SEPTIN9: variants seen among roughly 807,000 people sequenced by gnomAD.
The protein encoded by SEPTIN9 is septin-9.
In SEPTIN9, 13 loss-of-function variants were observed where a neutral mutation model predicts 56.6. The ratio of observed to expected loss-of-function variants is 0.23; its 90% CI spans 0.15 to 0.37. The LOEUF (loss-of-function observed/expected upper bound fraction) is 0.37. SEPTIN9 is among the 10% of genes least tolerant of loss of function. The probability of loss-of-function intolerance (pLI) is 1.00; values close to 1 mark genes in which losing one functional copy is unlikely to be tolerated. For synonymous variants in SEPTIN9, 332 were observed against 334.1 expected (o/e 0.99, Z 0.07); for missense variants, 650 against 823.1 (o/e 0.79, Z 2.57).
intron 4 of SEPTIN9, 123 bp downstream of exon 4, chr17:77,482,458 A>G: frequency 1.0e-6 from 1 of 980,084 alleles, no homozygotes. Context: ...CCCTGACCTC[A>G]AGGACGGATT....
chr17:77,413,129 T>A (rs1382745316), intron 3 of SEPTIN9, among the ~76,000 whole-genome samples: 1 of 151,430 alleles, frequency 6.6e-6, no homozygotes, highest in East Asian at 2.0e-4. Context: ...TGTGCTATTT[T>A]TATCAGTTTT....
chr17:77,455,050 T>C (rs967842701), intron 3 of SEPTIN9, among the ~76,000 whole-genome samples: 2 of 145,882 alleles, frequency 1.4e-5, no homozygotes, highest in African/African-American at 5.2e-5. Flanking sequence ...CTCTCTTTCT[T>C]TTTTTTTTTT....
In SEPTIN9 at chr17:77,492,434, C is replaced by G. The variant is rs1037781597; in HGVS notation, c.1381-187C>G. Among the ~76,000 whole-genome samples the G allele has an allele frequency of 6.6e-6, 1 of 152,040 alleles. No homozygotes were observed. The highest frequency in any genetic ancestry group is 1.5e-5 in the Non-Finnish European group (1 of 68,012). ...AGCGTCGCTCAGGACAGCAGGTGCA[C>G]CTGCAGCTGCCCCTCTTCCCTCCAG... On this transcript the variant is annotated intron_variant, in intron 8 of 11. Transcript: ENST00000427177. This position sits in a 1 kb window ranked among gnomAD's most constrained non-coding sequence, Gnocchi z 5.4.
At chr17:77,283,379 G>A (rs2031125794) in intron 1 of SEPTIN9, among the ~76,000 whole-genome samples, 3 of 151,960 alleles carry the variant, frequency 2.0e-5, no homozygotes, top group Non-Finnish European at 4.4e-5. Flanking sequence ...CTGGGTCACT[G>A]TGTTGCAGTT....
intron 1 of SEPTIN9, among the ~76,000 whole-genome samples, chr17:77,286,746 A>G (rs774562482): frequency 6.6e-6 from 1 of 152,206 alleles, no homozygotes; most frequent in Non-Finnish European, 1.5e-5. Flanking sequence ...AGTTTGCCTA[A>G]GATGGACCTG....
intron 2 of SEPTIN9, among the ~76,000 whole-genome samples, chr17:77,355,548 G>A (rs2034201942): frequency 6.6e-6 from 1 of 152,114 alleles, no homozygotes; most frequent in Admixed American, 6.5e-5. Flanking sequence ...CAAGTGGATG[G>A]GGATCGTGGG....
At chr17:77,459,064 C>T (rs373818540) in intron 3 of SEPTIN9, among the ~76,000 whole-genome samples, 8 of 152,200 alleles carry the variant, frequency 5.3e-5, no homozygotes, top group East Asian at 1.9e-4. Context: ...GGGCCACGGT[C>T]GGCCCCACAC....
At chr17:77,291,804 G>C (rs2031569994) in intron 1 of SEPTIN9, among the ~76,000 whole-genome samples, 1 of 152,146 alleles carries the variant, frequency 6.6e-6, no homozygotes, top group South Asian at 2.1e-4. Flanking sequence ...GCCTTTCTCT[G>C]TCTTAGGTAA....
intron 2 of SEPTIN9, among the ~76,000 whole-genome samples, chr17:77,387,624 G>A (rs1190425281): frequency 6.6e-6 from 1 of 152,116 alleles, no homozygotes; most frequent in Admixed American, 6.5e-5. Context: ...TGATGAGGGC[G>A]TGATGAGGTT....
At chr17:77,401,956 C>T (rs879555106) in intron 2 of SEPTIN9, 103 bp from the exon 3 acceptor site, 7 of 1,228,980 alleles carry the variant, frequency 5.7e-6, no homozygotes, top group African/African-American at 1.5e-5. Flanking sequence ...CGGCCCTCAC[C>T]GCCGCATCGC....
chr17:77,449,596 G>A lies in SEPTIN9; in HGVS notation c.722-32548G>A, dbSNP rs893527183. Among the ~76,000 whole-genome samples the A allele has an allele frequency of 3.3e-5, 5 of 152,228 alleles. No individual in the cohort carries two copies. The highest frequency in any genetic ancestry group is 6.5e-5 in the Admixed American group (1 of 15,278). On this transcript the variant is annotated intron_variant, in intron 3 of 11. Coordinates refer to ENST00000427177, the MANE Select transcript of SEPTIN9 (RefSeq NM_001113491.2). This position sits in a 1 kb window ranked among gnomAD's most constrained non-coding sequence, Gnocchi z 4.6. The stretch of plus-strand genomic sequence containing the variant: ...AGGGAGAGGCCCACGGGGCAGGGGC[G>A]TGGTGGGAGCTGCATCCTCGAGGCT...
Position 77,405,429 on chromosome 17 carries a change from G to A in SEPTIN9, c.721+2726G>A, listed in dbSNP as rs561621022. Among the ~76,000 whole-genome samples the A allele has an allele frequency of 2.6e-5, 4 of 152,192 alleles. No homozygotes were observed. The highest frequency in any genetic ancestry group is 4.4e-5 in the Non-Finnish European group (3 of 68,030). The stretch of plus-strand genomic sequence containing the variant: ...AGAGCTGCCAGGAACCTGGCGCTCT[G>A]GGGGGACGGTGGCTTTCTCCATGGA... On this transcript the variant is annotated intron_variant, in intron 3 of 11. Transcript: ENST00000427177. This position sits in a 1 kb window ranked among gnomAD's most constrained non-coding sequence, Gnocchi z 5.8.
chr17:77,494,825 A>C (rs1308171222), intron 10 of SEPTIN9, among the ~76,000 whole-genome samples: 1 of 152,096 alleles, frequency 6.6e-6, no homozygotes, highest in Non-Finnish European at 1.5e-5. Context: ...GAGGGTGTGG[A>C]GAGGCACACG....
At chr17:77,430,188 T>C (rs1290747983) in intron 3 of SEPTIN9, among the ~76,000 whole-genome samples, 1 of 152,076 alleles carries the variant, frequency 6.6e-6, no homozygotes, top group African/African-American at 2.4e-5. Context: ...TTGCGGGTGC[T>C]GGCCACCCTC....
chr17:77,399,605 C>T (rs57626719), intron 2 of SEPTIN9, among the ~76,000 whole-genome samples: 2,449 of 152,256 alleles, frequency 0.016, 56 homozygotes, highest in African/African-American at 0.055. Context: ...CCCATCTGTA[C>T]GGGGGCGGTA....
Position 77,499,618 on chromosome 17 carries a change from C to T in SEPTIN9, c.*960C>T. On this transcript the variant is annotated 3_prime_UTR_variant, in exon 12 of 12. Transcript: ENST00000427177. ...TCAGAGTGGCGTGAGCTGCCCGGCG[C>T]CTGCCCTGCCCAAGTGACCAGGGAA... The T allele has an allele frequency of 2.3e-6, 1 of 436,100 alleles. No individual in the cohort carries two copies. The highest frequency in any genetic ancestry group is 4.0e-5 in the East Asian group (1 of 24,812). The allele number at this position is 436,100 out of a possible 1,614,324, so 27.0% of individuals were successfully genotyped here. A position where few individuals can be genotyped will look rare whatever the true frequency, so the allele number is the denominator to read the frequency against.
chr17:77,475,972 A>G lies in SEPTIN9; in HGVS notation c.722-6172A>G, dbSNP rs1157506289. ...GGTGTGGGTTGGGTTTGGGGAAGAC[A>G]GGGGAATGGCATTGACTTGACCCTG... On this transcript the variant is annotated intron_variant, in intron 3 of 11. Coordinates refer to ENST00000427177, the MANE Select transcript of SEPTIN9 (RefSeq NM_001113491.2). The surrounding 1 kb of genome is among the most constrained non-coding windows in gnomAD (Gnocchi z 4.6). 9.3e-6 allele frequency: 14 copies of G among 1,511,796 alleles called. No individual in the cohort carries two copies. The highest frequency in any genetic ancestry group is 1.2e-5 in the Non-Finnish European group (13 of 1,107,650). The allele number at this position is 1,511,796 out of a possible 1,614,324, so 93.6% of individuals were successfully genotyped here. A position where few individuals can be genotyped will look rare whatever the true frequency, so the allele number is the denominator to read the frequency against.
chr17:77,454,451 T>C (rs550040226), intron 3 of SEPTIN9: 1 of 846,112 alleles, frequency 1.2e-6, no homozygotes, highest in South Asian at 5.4e-5. Flanking sequence ...CAGTCCGCTG[T>C]ACGTGTGAGT....
intron 2 of SEPTIN9, among the ~76,000 whole-genome samples, chr17:77,397,620 CT>C (rs2035763802): frequency 6.6e-6 from 1 of 152,142 alleles, no homozygotes. Flanking sequence ...TGGGAGCTCC[CT>C]CAGGGCTTGT....
Sources: gnomAD v4.1 joint callset for allele counts (sites outside exome capture counted in the v4.1 genomes callset) on GRCh38, gnomAD v4.1.1 for gene constraint, Gnocchi (gnomAD v3.1) non-coding constraint, MANE v1.5 for transcripts, NCBI Gene and HGNC (gene_info 2026-07-23, HGNC 2026-07-21) for gene names.